The following HM13 variants were observed in gnomAD, a reference collection of about 807,000 sequenced individuals.
HM13 encodes the protein histocompatibility minor 13.
Under a neutral mutation model 50.0 loss-of-function variants are expected in HM13, and 18 were observed. The observed-to-expected ratio is 0.36, with a 90% confidence interval of 0.25 to 0.53. HM13 has a LOEUF of 0.53. Ranked by LOEUF, HM13 falls within the 20% of genes least tolerant of loss-of-function variation. The probability of loss-of-function intolerance (pLI) is 0.90; values close to 1 mark genes in which losing one functional copy is unlikely to be tolerated. For synonymous variants in HM13, 197 were observed against 232.6 expected (o/e 0.85, Z 1.39); for missense variants, 393 against 552.4 (o/e 0.71, Z 2.89).
At chr20:31,522,736 CATA>C (rs1982247913) in intron 1 of HM13, among the ~76,000 whole-genome samples, 1 of 152,044 alleles carries the variant, frequency 6.6e-6, no homozygotes, top group Non-Finnish European at 1.5e-5. Flanking sequence ...TTCCGTTTTG[CATA>C]ATAATGATAC....
chr20:31,530,076 G>C (rs1207117974), intron 2 of HM13, among the ~76,000 whole-genome samples: 2 of 152,076 alleles, frequency 1.3e-5, no homozygotes, highest in African/African-American at 2.4e-5. Flanking sequence ...GATCACTTGA[G>C]CTCAGGAGTT....
chr20:31,568,074 A>C lies in HM13; in HGVS notation c.1035-4A>C. 2 of 1,603,166 alleles carry C rather than the reference A, an allele frequency of 1.2e-6. No individual in the cohort carries two copies. Among genetic ancestry groups the C allele is most frequent in the East Asian group, 4.5e-5 (2 of 44,404 alleles). ...TTTCTGTCTCTTCTCTCTCTCTCAC[A>C]CAGCTACGAGTCCTCGGCGGAAATC... On this transcript the variant is annotated splice_polypyrimidine_tract_variant and splice_region_variant and intron_variant, in intron 11 of 12. Transcript: ENST00000398174.
At chr20:31,543,912 C>T (rs1303623348) in intron 3 of HM13, among the ~76,000 whole-genome samples, 3 of 151,672 alleles carry the variant, frequency 2.0e-5, no homozygotes, top group African/African-American at 7.3e-5. Context: ...CCAGCCTGGG[C>T]GACAGAGTGA....
In HM13 at chr20:31,561,646, T is replaced by A; in HGVS notation, c.858T>A (p.Asn286Lys). 1 of 1,611,890 alleles carries A rather than the reference T, an allele frequency of 6.2e-7. No individual in the cohort carries two copies. The highest frequency in any genetic ancestry group is 8.5e-7 in the Non-Finnish European group (1 of 1,178,004). Residue 286 changes from asparagine (N) to lysine (K), a missense_variant, in exon 10 of 13, where the codon AAT (asparagine) becomes AAA (lysine). Asn to Lys is a moderately conservative substitution (Grantham distance 94). This residue lies in a region of HM13 where 74 missense variants were observed against 160.4 expected (regional missense o/e 0.46). Coordinates refer to ENST00000398174, the MANE Select transcript of HM13 (RefSeq NM_178581.3). ...ACCTTCCCTGCAGCTTGAAGAAGAA[T>A]ACCCACACCTACTTCTACACCAGCT... ...LLRFDISLKKNTHTYFYTSFA... is the reference protein window; with the variant it reads ...LLRFDISLKKKTHTYFYTSFA...
chr20:31,555,831 G>A (rs889946910), intron 8 of HM13, among the ~76,000 whole-genome samples: 5 of 151,540 alleles, frequency 3.3e-5, no homozygotes, highest in Middle Eastern at 6.8e-3. Flanking sequence ...TTAGCCAGTC[G>A]TGGTGGCTCA....
rs1160027955 is a variant in HM13 at position 31,559,567 on chromosome 20, C to T, written c.809-44C>T. 5.6e-6 allele frequency: 9 copies of T among 1,606,724 alleles called. No individual in the cohort carries two copies. In the Admixed American group the frequency reaches 1.2e-4, roughly 21 times the overall value. ...CCCAGTCTCCTGTTAGTTCACTGCCCTGCTGCTTCCCTGCCACTCTCTAAC... is the reference window on the plus strand; with the variant it reads ...CCCAGTCTCCTGTTAGTTCACTGCCTTGCTGCTTCCCTGCCACTCTCTAAC... On this transcript the variant is annotated intron_variant, in intron 8 of 12. Coordinates refer to ENST00000398174, the MANE Select transcript of HM13 (RefSeq NM_178581.3).
chr20:31,517,562 A>C (rs1392503697), intron 1 of HM13, among the ~76,000 whole-genome samples: 2 of 152,028 alleles, frequency 1.3e-5, no homozygotes, highest in Admixed American at 1.3e-4. Flanking sequence ...TAGTCAAGTA[A>C]ATAGAGCTCT....
chr20:31,518,488 A>G (rs1364897523), intron 1 of HM13, among the ~76,000 whole-genome samples: 1 of 151,342 alleles, frequency 6.6e-6, no homozygotes, highest in African/African-American at 2.4e-5. Context: ...TCTACTAAAA[A>G]TACAAAAATT....
intron 4 of HM13, chr20:31,547,779 G>A: frequency 1.1e-6 from 1 of 948,518 alleles, no homozygotes; most frequent in Non-Finnish European, 1.7e-6. Context: ...CTTTTATCCT[G>A]CCACACCAGC....
At chr20:31,532,398 C>T (rs990820680) in intron 2 of HM13, among the ~76,000 whole-genome samples, 3 of 152,224 alleles carry the variant, frequency 2.0e-5, no homozygotes, top group Non-Finnish European at 4.4e-5. Context: ...GCACTCCAGC[C>T]TGGTGACAGA....
At chr20:31,546,318 GAGCCAC>G (rs1171512042) in intron 4 of HM13, among the ~76,000 whole-genome samples, 1 of 152,108 alleles carries the variant, frequency 6.6e-6, no homozygotes. Context: ...TTACAGGCGT[GAGCCAC>G]CGCGCCCGGC....
chr20:31,556,394 G>A (rs1355995842), intron 8 of HM13, among the ~76,000 whole-genome samples: 2 of 152,114 alleles, frequency 1.3e-5, no homozygotes, highest in Non-Finnish European at 2.9e-5. Context: ...GCAGATTAAA[G>A]GCTGACTTAC....
At chr20:31,527,077 A>G (rs1439765127) in intron 1 of HM13, among the ~76,000 whole-genome samples, 5 of 152,192 alleles carry the variant, frequency 3.3e-5, no homozygotes, top group African/African-American at 1.2e-4. Context: ...ATGGTGGTTC[A>G]TACCTGTAAT....
intron 8 of HM13, among the ~76,000 whole-genome samples, chr20:31,557,432 TG>T (rs1337152983): frequency 6.6e-6 from 1 of 152,168 alleles, no homozygotes; most frequent in African/African-American, 2.4e-5. Context: ...TCACAATAAA[TG>T]TAAGTTGATC....
intron 2 of HM13, among the ~76,000 whole-genome samples, chr20:31,532,979 G>A (rs6058035): frequency 0.27 from 41,664 of 152,094 alleles, 8,615 homozygotes; most frequent in African/African-American, 0.58. Context: ...AGTCTGCCTC[G>A]TGCCAGAAGC....
Position 31,514,493 on chromosome 20 carries a change from C to T in HM13, c.-59C>T, listed in dbSNP as rs1292629805. 12 of 1,543,766 alleles carry T rather than the reference C, an allele frequency of 7.8e-6. No homozygotes were observed. The highest frequency in any genetic ancestry group is 1.9e-5 in the Admixed American group (1 of 51,616). On this transcript the variant is annotated 5_prime_UTR_variant, in exon 1 of 13. Coordinates refer to ENST00000398174, the MANE Select transcript of HM13 (RefSeq NM_178581.3). The surrounding 1 kb of genome is among the most constrained non-coding windows in gnomAD (Gnocchi z 4.3). ...GCTTTCCCTGCAGAGCCGGTGTCTC[C>T]GCCTGCGTCCCTGCTGCAGCAACCG...
At chr20:31,539,348 G>A in intron 3 of HM13, 4 of 985,474 alleles carry the variant, frequency 4.1e-6, no homozygotes, top group Non-Finnish European at 4.8e-6. Context: ...TAGACCAAGA[G>A]GTGGCCAGGG....
At chr20:31,527,135 C>G (rs1418311716) in intron 1 of HM13, among the ~76,000 whole-genome samples, 1 of 152,126 alleles carries the variant, frequency 6.6e-6, no homozygotes, top group African/African-American at 2.4e-5. Flanking sequence ...GAGGTCAGTT[C>G]GAGACCAGCC....
At chr20:31,517,691 T>A (rs1981881902) in intron 1 of HM13, among the ~76,000 whole-genome samples, 1 of 151,166 alleles carries the variant, frequency 6.6e-6, no homozygotes, top group Non-Finnish European at 1.5e-5. Context: ...CAGTGAAGAG[T>A]GTGGTGTGAG....
Sources: allele counts gnomAD v4.1 joint callset (sites outside exome capture counted in the v4.1 genomes callset), GRCh38; gene constraint gnomAD v4.1.1; regional missense constraint gnomAD v4.1.1; non-coding constraint Gnocchi (gnomAD v3.1); transcripts MANE v1.5; gene names NCBI Gene and HGNC (gene_info 2026-07-23, HGNC 2026-07-21).